CCSER1: variants seen among roughly 807,000 people sequenced by gnomAD.
CCSER1 encodes serine-rich coiled-coil domain-containing protein 1.
Under a neutral mutation model 82.0 loss-of-function variants are expected in CCSER1, and 41 were observed. The observed-to-expected ratio is 0.50, with a 90% CI of 0.39 to 0.65. The LOEUF (loss-of-function observed/expected upper bound fraction) is 0.65. Ranked by LOEUF, CCSER1 falls within the 30% of genes least tolerant of loss-of-function variation. The pLI, the probability that CCSER1 is intolerant of heterozygous loss-of-function variation, is 0.00. For missense variants in CCSER1, 1,119 were observed against 1,064.2 expected, an observed-to-expected ratio of 1.05 and a Z score of -0.72; for synonymous variants, 414 against 383.9, an observed-to-expected ratio of 1.08 and a Z score of -0.92.
chr4:91,057,472 A>G (rs1743555776), intron 9 of CCSER1, among the ~76,000 whole-genome samples: 1 of 152,176 alleles, frequency 6.6e-6, no homozygotes, highest in African/African-American at 2.4e-5. Context: ...CATGAGAGAA[A>G]CAGTAAGGAG....
chr4:90,709,167 T>G (rs1740003765), intron 6 of CCSER1, among the ~76,000 whole-genome samples: 1 of 152,160 alleles, frequency 6.6e-6, no homozygotes, highest in Non-Finnish European at 1.5e-5. Flanking sequence ...AAATATTTGA[T>G]GTAAGAAAAA....
chr4:91,476,295 G>A (rs1039349140), intron 10 of CCSER1, among the ~76,000 whole-genome samples: 4 of 151,664 alleles, frequency 2.6e-5, no homozygotes, highest in East Asian at 1.9e-4. Flanking sequence ...ATCCTTGCAA[G>A]CATTATTTTC....
intron 5 of CCSER1, among the ~76,000 whole-genome samples, chr4:90,611,602 A>T (rs2148824467): frequency 6.6e-6 from 1 of 150,758 alleles, no homozygotes; most frequent in African/African-American, 2.4e-5. Context: ...GGTATATTTT[A>T]TTTTTGTGTG....
chr4:90,359,355 A>T (rs1365240656), intron 3 of CCSER1, among the ~76,000 whole-genome samples: 2 of 152,212 alleles, frequency 1.3e-5, no homozygotes, highest in East Asian at 3.8e-4. Context: ...AATTCAGTAG[A>T]GTATACCTCT....
chr4:91,216,905 G>T (rs936704521), intron 10 of CCSER1, among the ~76,000 whole-genome samples: 1 of 152,148 alleles, frequency 6.6e-6, no homozygotes, highest in African/African-American at 2.4e-5. Flanking sequence ...GAAAGGGAGG[G>T]AGAAGGAAAT....
chr4:91,163,817 A>G (rs143129268), intron 10 of CCSER1, among the ~76,000 whole-genome samples: 1 of 151,902 alleles, frequency 6.6e-6, no homozygotes, highest in East Asian at 1.9e-4. Context: ...TTTTGAGCCT[A>G]TGTGTGTCTC....
At chr4:91,576,449 T>C (rs1489596246) in intron 10 of CCSER1, among the ~76,000 whole-genome samples, 1 of 151,986 alleles carries the variant, frequency 6.6e-6, no homozygotes, top group Non-Finnish European at 1.5e-5. Context: ...AACTTTCAGT[T>C]ATGAGTAAAT....
chr4:91,385,575 A>G (rs1485817694), intron 10 of CCSER1, among the ~76,000 whole-genome samples: 1 of 151,944 alleles, frequency 6.6e-6, no homozygotes, highest in Non-Finnish European at 1.5e-5. Context: ...ACTAAAACTG[A>G]TAAGCCAGTG....
At chr4:90,662,895 C>G (rs1731086491) in intron 6 of CCSER1, among the ~76,000 whole-genome samples, 1 of 152,098 alleles carries the variant, frequency 6.6e-6, no homozygotes, top group African/African-American at 2.4e-5. Context: ...ATCATATTTT[C>G]TTTCCTTGGC....
intron 5 of CCSER1, among the ~76,000 whole-genome samples, chr4:90,572,216 T>C (rs1488215283): frequency 6.6e-6 from 1 of 152,160 alleles, no homozygotes; most frequent in Non-Finnish European, 1.5e-5. Flanking sequence ...AGCTAAGAAG[T>C]GTGCTGCTTG....
intron 10 of CCSER1, among the ~76,000 whole-genome samples, chr4:91,362,254 A>G (rs2149313682): frequency 6.6e-6 from 1 of 151,942 alleles, no homozygotes; most frequent in East Asian, 1.9e-4. Context: ...AGTAGTAGAT[A>G]TTTTAGCTGA....
chr4:90,171,738 A>C (rs1462289016), intron 1 of CCSER1, among the ~76,000 whole-genome samples: 2 of 151,904 alleles, frequency 1.3e-5, no homozygotes, highest in African/African-American at 2.4e-5. Flanking sequence ...AAACATTGGA[A>C]TTGTACAGTT....
intron 4 of CCSER1, among the ~76,000 whole-genome samples, chr4:90,444,581 A>G (rs1197092670): frequency 6.6e-6 from 1 of 152,052 alleles, no homozygotes; most frequent in Admixed American, 6.6e-5. Flanking sequence ...TTCCCATGGT[A>G]AATGACAATA....
chr4:91,135,961 C>T (rs933752827), intron 10 of CCSER1, among the ~76,000 whole-genome samples: 2 of 152,128 alleles, frequency 1.3e-5, no homozygotes, highest in African/African-American at 4.8e-5. Flanking sequence ...GGGGTAATGA[C>T]ATACATACAT....
At chr4:90,747,463 C>T (rs1011178300) in intron 7 of CCSER1, among the ~76,000 whole-genome samples, 21 of 151,342 alleles carry the variant, frequency 1.4e-4, no homozygotes, top group African/African-American at 4.9e-4. Flanking sequence ...GGATAAACTG[C>T]GGAGCTAGGC....
chr4:91,424,065 G>A (rs986927858), intron 10 of CCSER1, among the ~76,000 whole-genome samples: 1 of 132,956 alleles, frequency 7.5e-6, no homozygotes, highest in African/African-American at 2.9e-5. Flanking sequence ...GCCGGACTGC[G>A]GACTGCAGTG....
At chr4:91,201,202 A>G (rs1735879052) in intron 10 of CCSER1, among the ~76,000 whole-genome samples, 1 of 152,048 alleles carries the variant, frequency 6.6e-6, no homozygotes. Flanking sequence ...ACTTATTTGT[A>G]TTTCTAGGGA....
At chr4:90,194,925 G>A (rs974104266) in intron 1 of CCSER1, among the ~76,000 whole-genome samples, 5 of 152,010 alleles carry the variant, frequency 3.3e-5, no homozygotes, top group African/African-American at 1.2e-4. Flanking sequence ...TAAGTTCTGT[G>A]AGTTTCAGAA....
At chr4:91,052,760 C>T (rs1331182419) in intron 9 of CCSER1, among the ~76,000 whole-genome samples, 1 of 152,026 alleles carries the variant, frequency 6.6e-6, no homozygotes, top group Non-Finnish European at 1.5e-5. Context: ...TCCATATGAA[C>T]ATATACCATA....
Sources: gnomAD v4.1 joint callset for allele counts (sites outside exome capture counted in the v4.1 genomes callset) on GRCh38, gnomAD v4.1.1 for gene constraint, MANE v1.5 for transcripts, NCBI Gene and HGNC (gene_info 2026-07-23, HGNC 2026-07-21) for gene names.